The following ROBO2 variants were observed in gnomAD, a reference collection of about 807,000 sequenced individuals.
ROBO2 encodes the protein roundabout homolog 2.
In ROBO2, 53 loss-of-function variants were observed where a neutral mutation model predicts 160.8. That is an observed-to-expected ratio of 0.33 (90% CI 0.26 to 0.41). ROBO2 has a LOEUF of 0.41. Ranked by LOEUF, ROBO2 falls within the 10% of genes least tolerant of loss-of-function variation. The probability of loss-of-function intolerance (pLI) is 1.00; values close to 1 mark genes in which losing one functional copy is unlikely to be tolerated. For synonymous variants in ROBO2, 664 were observed against 611.7 expected, an observed-to-expected ratio of 1.09 and a Z score of -1.26; for missense variants, 1,577 against 1,722.4, an observed-to-expected ratio of 0.92 and a Z score of 1.49.
At chr3:76,323,138 T>TACACAC (rs71874425) in intron 2 of ROBO2, among the ~76,000 whole-genome samples, 44,593 of 143,836 alleles carry the variant, frequency 0.31, 6,913 homozygotes, top group Admixed American at 0.36. Flanking sequence ...TTGTTAGTAT[T>TACACAC]ACACACACAC....
At chr3:77,455,286 T>C (rs1365324189) in intron 2 of ROBO2, among the ~76,000 whole-genome samples, 1 of 152,130 alleles carries the variant, frequency 6.6e-6, no homozygotes, top group Non-Finnish European at 1.5e-5. Context: ...GCAGTTACAA[T>C]CATTTACGAA....
At chr3:76,006,684 T>C (rs935164019) in intron 2 of ROBO2, among the ~76,000 whole-genome samples, 1 of 152,138 alleles carries the variant, frequency 6.6e-6, no homozygotes, top group South Asian at 2.1e-4. Flanking sequence ...GAATCTAGTT[T>C]AGTGCCTGAA....
intron 2 of ROBO2, among the ~76,000 whole-genome samples, chr3:76,546,088 T>TAGAA (rs959312251): frequency 2.6e-5 from 4 of 151,882 alleles, no homozygotes; most frequent in African/African-American, 9.7e-5. Context: ...TGGGTGTATA[T>TAGAA]AGAAGTTCCT....
chr3:76,679,193 T>A (rs954383160), intron 2 of ROBO2, among the ~76,000 whole-genome samples: 1 of 152,184 alleles, frequency 6.6e-6, no homozygotes, highest in Non-Finnish European at 1.5e-5. Flanking sequence ...AACACCCTCA[T>A]TTTTTAATCA....
intron 2 of ROBO2, among the ~76,000 whole-genome samples, chr3:76,644,155 A>G (rs77063180): frequency 6.6e-6 from 1 of 152,286 alleles, no homozygotes; most frequent in Non-Finnish European, 1.5e-5. Flanking sequence ...TATCTTCACT[A>G]TCAATGCTTA....
intron 2 of ROBO2, among the ~76,000 whole-genome samples, chr3:77,247,408 G>T (rs572473419): frequency 2.0e-5 from 3 of 152,114 alleles, no homozygotes; most frequent in African/African-American, 4.8e-5. Context: ...AGGCTGTTCC[G>T]CAAGGACATT....
At chr3:76,314,416 A>G (rs1408631646) in intron 2 of ROBO2, among the ~76,000 whole-genome samples, 1 of 152,074 alleles carries the variant, frequency 6.6e-6, no homozygotes, top group Admixed American at 6.6e-5. Context: ...ATATACAACA[A>G]AAAGGAAGTT....
intron 2 of ROBO2, among the ~76,000 whole-genome samples, chr3:76,397,602 T>A (rs1398528710): frequency 6.6e-6 from 1 of 151,688 alleles, no homozygotes; most frequent in African/African-American, 2.4e-5. Context: ...ATCCAGAATC[T>A]ACAATGAACT....
intron 2 of ROBO2, among the ~76,000 whole-genome samples, chr3:77,219,625 A>G (rs79006347): frequency 0.05 from 7,595 of 150,474 alleles, 282 homozygotes; most frequent in African/African-American, 0.098. Flanking sequence ...ACTATTGACC[A>G]TGGGCCTTAA....
At chr3:76,573,911 G>A (rs1375384197) in intron 2 of ROBO2, among the ~76,000 whole-genome samples, 3 of 152,030 alleles carry the variant, frequency 2.0e-5, no homozygotes, top group Admixed American at 6.6e-5. Flanking sequence ...TAGTTTAAAT[G>A]CTTTCTCCTT....
intron 2 of ROBO2, among the ~76,000 whole-genome samples, chr3:77,306,046 T>C (rs1352371561): frequency 3.3e-5 from 5 of 152,046 alleles, no homozygotes; most frequent in East Asian, 1.9e-4. Flanking sequence ...ATTCTATTTT[T>C]CCCCCTTCTT....
chr3:76,907,537 C>A (rs1038934536), intron 2 of ROBO2, among the ~76,000 whole-genome samples: 1 of 152,046 alleles, frequency 6.6e-6, no homozygotes, highest in African/African-American at 2.4e-5. Flanking sequence ...TATATGTAAC[C>A]AAGCTTATTG....
At chr3:76,031,735 C>G (rs1002837527) in intron 2 of ROBO2, among the ~76,000 whole-genome samples, 1 of 151,932 alleles carries the variant, frequency 6.6e-6, no homozygotes, top group Non-Finnish European at 1.5e-5. Flanking sequence ...GGTGGATAAG[C>G]TTTTTGATGT....
chr3:77,577,753 G>A, intron 15 of ROBO2, 139 bp downstream of exon 16: 1 of 1,100,700 alleles, frequency 9.1e-7, no homozygotes, highest in East Asian at 2.6e-5. Flanking sequence ...CTGTGTGACA[G>A]AGAATGAAAC....
At chr3:77,383,117 A>G (rs977892736) in intron 2 of ROBO2, among the ~76,000 whole-genome samples, 3 of 152,172 alleles carry the variant, frequency 2.0e-5, no homozygotes, top group Non-Finnish European at 2.9e-5. Flanking sequence ...TCATTAATAA[A>G]CTTCAGCTAC....
chr3:77,392,836 G>C (rs2074878583), intron 2 of ROBO2, among the ~76,000 whole-genome samples: 1 of 152,122 alleles, frequency 6.6e-6, no homozygotes, highest in African/African-American at 2.4e-5. Flanking sequence ...ATTTGCAGAA[G>C]TATTATGAAC....
chr3:76,893,216 A>G (rs2074490654), intron 2 of ROBO2, among the ~76,000 whole-genome samples: 2 of 152,090 alleles, frequency 1.3e-5, no homozygotes, highest in South Asian at 2.1e-4. Context: ...ACACACACAT[A>G]CACATGCATT....
At chr3:76,839,355 A>G (rs1041078483) in intron 2 of ROBO2, among the ~76,000 whole-genome samples, 6 of 152,164 alleles carry the variant, frequency 3.9e-5, no homozygotes, top group African/African-American at 1.2e-4. Flanking sequence ...GTAGGAAAAG[A>G]TAACTAACAA....
At chr3:76,778,868 A>G (rs919041683) in intron 2 of ROBO2, among the ~76,000 whole-genome samples, 2 of 151,078 alleles carry the variant, frequency 1.3e-5, no homozygotes, top group African/African-American at 4.8e-5. Context: ...TAAATAATAG[A>G]TGTGCATGAT....
Sources: gnomAD v4.1 joint callset for allele counts (sites outside exome capture counted in the v4.1 genomes callset) on GRCh38, gnomAD v4.1.1 for gene constraint, MANE v1.5 for transcripts, NCBI Gene and HGNC (gene_info 2026-07-23, HGNC 2026-07-21) for gene names.